The following FBXO46 variants were observed in gnomAD, a reference collection of about 807,000 sequenced individuals.
FBXO46 encodes the protein F-box only protein 46.
Under a neutral mutation model 30.7 loss-of-function variants are expected in FBXO46, and 13 were observed. The observed-to-expected ratio is 0.42, with a 90% confidence interval of 0.28 to 0.67. The LOEUF (loss-of-function observed/expected upper bound fraction) is 0.67, where lower values mean the gene tolerates loss of function less well. Among genes scored for constraint, FBXO46 ranks in the 30% least tolerant of loss-of-function variants. FBXO46 has a pLI of 0.21. For missense variants in FBXO46, 754 were observed against 871.5 expected (o/e 0.87, Z 1.70); for synonymous variants, 467 against 385.8 (o/e 1.21, Z -2.47).
rs1281571165 is a variant in FBXO46 at position 45,726,580 on chromosome 19, G to A, written c.-79+4269C>T. Among the ~76,000 whole-genome samples the A allele has an allele frequency of 7.9e-5, 12 of 151,812 alleles. No individual in the cohort carries two copies. The East Asian group carries it at 1.6e-3, about 20-fold the overall frequency. ...GGAGAATTGCTTGAACCCAAGAGGC[G>A]GACGTTGCAGTGAGCCAAGATCATG... On this transcript the variant is annotated intron_variant, in intron 1 of 1. Transcript: ENST00000317683.
rs749212499 is a variant in FBXO46 at position 45,711,943 on chromosome 19, C to A, written c.1553G>T (p.Arg518Leu). Residue 518 changes from arginine to leucine, a missense_variant, in exon 2 of 2, where the codon CGC becomes CTC. By Grantham distance (102) the Arg-to-Leu change is moderately radical. Coordinates refer to ENST00000317683, the MANE Select transcript of FBXO46 (RefSeq NM_001080469.2). ...GCGGTAGAGCGGGTCTCGGCTCCAG[C>A]GCGAGTCTGTGGCCCGCACGCCAAA... ...EAFGVRATDS[R>L]WSRDPLYRDD... 5 of 1,613,166 alleles carry A rather than the reference C, an allele frequency of 3.1e-6. No homozygotes were observed. Among genetic ancestry groups the A allele is most frequent in the South Asian group, 1.1e-5 (1 of 91,072 alleles).
At position 45,720,933 on chromosome 19, in the gene FBXO46, C is replaced by T. The variant is rs145487675; in HGVS notation, c.-78-7360G>A. ...CGGAGAATTGCTTGAACCCAGGAGG[C>T]GTGGCTGCAATGAGCCGAGATTGCA... On this transcript the variant is annotated intron_variant, in intron 1 of 1. Transcript: ENST00000317683. 6.0e-4 allele frequency among the ~76,000 whole-genome samples: 89 copies of T among 147,184 alleles called. 1 individual carries two copies. Among genetic ancestry groups the T allele is most frequent in the African/African-American group, 2.1e-3 (84 of 39,776 alleles).
At chr19:45,718,451 C>G (rs570551294) in intron 1 of FBXO46, among the ~76,000 whole-genome samples, 1 of 152,244 alleles carries the variant, frequency 6.6e-6, no homozygotes, top group Admixed American at 6.5e-5. Context: ...TAGGCCAGGT[C>G]AGGCTTCACC....
intron 1 of FBXO46, among the ~76,000 whole-genome samples, chr19:45,726,836 TAGAA>T (rs1968246009): frequency 1.3e-5 from 2 of 151,994 alleles, no homozygotes; most frequent in African/African-American, 4.8e-5. Flanking sequence ...ATAAAAATCA[TAGAA>T]AGACCTCACA....
chr19:45,713,841 G>A lies in FBXO46; in HGVS notation c.-78-268C>T, dbSNP rs753683498. 2.0e-5 allele frequency among the ~76,000 whole-genome samples: 3 copies of A among 152,040 alleles called. No individual in the cohort carries two copies. The highest frequency in any genetic ancestry group is 1.9e-4 in the East Asian group (1 of 5,174). On this transcript the variant is annotated intron_variant, in intron 1 of 1. Coordinates refer to ENST00000317683, the MANE Select transcript of FBXO46 (RefSeq NM_001080469.2). This position sits in a 1 kb window ranked among gnomAD's most constrained non-coding sequence, Gnocchi z 4.7. ...AAATGTGCTGGGCGTGATAGTCCAC[G>A]CCTGTAATCCAAGCTACTTGGGAGG...
chr19:45,732,870 T>A (rs1180612220), upstream of FBXO46, among the ~76,000 whole-genome samples: 1 of 151,980 alleles, frequency 6.6e-6, no homozygotes, highest in Non-Finnish European at 1.5e-5. Context: ...CCAATTCAAA[T>A]GGCCCTCCTC....
At chr19:45,714,438 A>T (rs189517121) in intron 1 of FBXO46, 1 of 152,122 alleles carries the variant, frequency 6.6e-6, no homozygotes, top group African/African-American at 2.4e-5. Flanking sequence ...CCTCAGTCAG[A>T]AAAATGCACA....
chr19:45,726,163 G>A (rs1968237514), intron 1 of FBXO46, among the ~76,000 whole-genome samples: 1 of 152,098 alleles, frequency 6.6e-6, no homozygotes, highest in African/African-American at 2.4e-5. Flanking sequence ...GCAACATAGT[G>A]AGAACCCGTC....
Position 45,711,652 on chromosome 19 carries a change from C to G in FBXO46, c.*32G>C. 1 of 1,478,188 alleles carries G rather than the reference C, an allele frequency of 6.8e-7. No individual in the cohort carries two copies. Among genetic ancestry groups the G allele is most frequent in the Non-Finnish European group, 9.1e-7 (1 of 1,095,358 alleles). The allele number at this position is 1,478,188 out of a possible 1,614,324, so 91.6% of individuals were successfully genotyped here. ...CCCGGGGGGAGAGGGGAGGGGTGGG[C>G]GTGGTGGGCTCTCCCCTCCCCTCCC... On this transcript the variant is annotated 3_prime_UTR_variant, in exon 2 of 2. Coordinates refer to ENST00000317683, the MANE Select transcript of FBXO46 (RefSeq NM_001080469.2).
Position 45,712,015 on chromosome 19 carries a change from G to A in FBXO46, c.1481C>T (p.Ala494Val), listed in dbSNP as rs1244410091. The change falls in exon 2 of 2, where the codon GCC (alanine) becomes GTC (valine). Residue 494 changes from alanine (A) to valine (V), a missense_variant. This residue lies in a region of FBXO46 where 162 missense variants were observed against 258.7 expected (regional missense o/e 0.63). Coordinates refer to ENST00000317683, the MANE Select transcript of FBXO46 (RefSeq NM_001080469.2). This position sits in a 1 kb window ranked among gnomAD's most constrained non-coding sequence, Gnocchi z 8.8. ...IFSFLPTRALAALKCTCHHFK... is the reference protein window; with the variant it reads ...IFSFLPTRALVALKCTCHHFK... ...GTGGTGGCAGGTGCACTTGAGGGCGGCCAGCGCGCGCGTGGGCAGGAAGCT... is the reference window on the plus strand; with the variant it reads ...GTGGTGGCAGGTGCACTTGAGGGCGACCAGCGCGCGCGTGGGCAGGAAGCT... The A allele has an allele frequency of 6.2e-7, 1 of 1,612,130 alleles. No individual in the cohort carries two copies. The highest frequency in any genetic ancestry group is 8.5e-7 in the Non-Finnish European group (1 of 1,179,578).
chr19:45,712,843 C>A lies in FBXO46; in HGVS notation c.653G>T (p.Arg218Leu). 6.2e-7 allele frequency: 1 copy of A among 1,613,250 alleles called. No individual in the cohort carries two copies. The highest frequency in any genetic ancestry group is 8.5e-7 in the Non-Finnish European group (1 of 1,179,718). The change falls in exon 2 of 2, where the codon CGG becomes CTG. Residue 218 changes from arginine (R) to leucine (L), a missense_variant. Physicochemically the swap from Arg to Leu is moderately radical, Grantham distance 102. Around this residue, in one of 5 missense-constraint regions of FBXO46, gnomAD observed 454 missense variants for 426.5 expected, o/e 1.06. Transcript: ENST00000317683. This position sits in a 1 kb window ranked among gnomAD's most constrained non-coding sequence, Gnocchi z 8.8. Reference protein sequence around the residue: ...GPAKGVGSERRSGGGDCSRVA... With the variant: ...GPAKGVGSERLSGGGDCSRVA... ...ACGGCTGCAGTCCCCACCACCGGAC[C>A]GCCGTTCAGATCCCACCCCCTTGGC... is the stretch of plus-strand genomic sequence containing the variant.
chr19:45,729,510 C>T (rs906015769), intron 1 of FBXO46, among the ~76,000 whole-genome samples: 3 of 152,216 alleles, frequency 2.0e-5, no homozygotes, highest in Non-Finnish European at 4.4e-5. Flanking sequence ...CTGCTTTGTT[C>T]GCTGTCTCTA....
chr19:45,720,898 A>G (rs35732815), intron 1 of FBXO46, among the ~76,000 whole-genome samples: 72,558 of 151,442 alleles, frequency 0.48, 17,922 homozygotes, highest in East Asian at 0.79. Context: ...GGAGCTTGAG[A>G]CAGGAGAATC....
intron 1 of FBXO46, chr19:45,714,686 G>A (rs565231310): frequency 2.0e-4 from 31 of 152,210 alleles, no homozygotes; most frequent in Admixed American, 1.9e-3. Flanking sequence ...GATTGCTTGA[G>A]CCCAGGAGTT....
chr19:45,718,218 A>T (rs926701620), intron 1 of FBXO46, among the ~76,000 whole-genome samples: 2 of 152,116 alleles, frequency 1.3e-5, no homozygotes, highest in African/African-American at 4.8e-5. Context: ...GACCCATCTG[A>T]TCCCCGGTAG....
chr19:45,717,281 C>G (rs1277408303), intron 1 of FBXO46: 1 of 152,154 alleles, frequency 6.6e-6, no homozygotes, highest in Non-Finnish European at 1.5e-5. Context: ...CCCCCCCAGG[C>G]GGCGGGAGAA....
chr19:45,725,444 C>A (rs181490165), intron 1 of FBXO46, among the ~76,000 whole-genome samples: 208 of 152,044 alleles, frequency 1.4e-3, no homozygotes, highest in African/African-American at 4.6e-3. Context: ...AAATAAATAA[C>A]TAAAACACTT....
rs972433345 is a variant in FBXO46 at position 45,711,549 on chromosome 19, C to T, written c.*135G>A. ...CTTTCCTGGGTCACCCCTGCTGAAC[C>T]CCAGCTCAGTTCCGGTGAGGGATCA... On this transcript the variant is annotated 3_prime_UTR_variant, in exon 2 of 2. Transcript: ENST00000317683. 5.2e-6 allele frequency: 4 copies of T among 766,398 alleles called. No individual in the cohort carries two copies. Among genetic ancestry groups the T allele is most frequent in the South Asian group, 1.5e-5 (1 of 67,996 alleles). 47.5% of individuals were successfully genotyped at this position (766,398 alleles called of 1,614,324 possible).
intron 1 of FBXO46, chr19:45,717,338 C>T (rs1395318192): frequency 6.6e-6 from 1 of 152,264 alleles, no homozygotes; most frequent in Admixed American, 6.5e-5. Flanking sequence ...GGGCCCGCCC[C>T]CTCGCTCCTT....
Sources: allele counts gnomAD v4.1 joint callset (sites outside exome capture counted in the v4.1 genomes callset), GRCh38; gene constraint gnomAD v4.1.1; regional missense constraint gnomAD v4.1.1; non-coding constraint Gnocchi (gnomAD v3.1); transcripts MANE v1.5; gene names NCBI Gene and HGNC (gene_info 2026-07-23, HGNC 2026-07-21).